Variants in CA10 observed in about 807,000 individuals in gnomAD.
CA10 encodes the protein carbonic anhydrase-related protein 10.
A neutral mutation model predicts 44.2 loss-of-function variants in CA10; 14 were observed. The ratio of observed to expected loss-of-function variants is 0.32; its 90% CI spans 0.21 to 0.50. CA10 has a LOEUF of 0.50. CA10 is among the 20% of genes least tolerant of loss of function. The pLI is 0.99. For synonymous variants in CA10, 159 were observed against 141.6 expected, an observed-to-expected ratio of 1.12 and a Z score of -0.87; for missense variants, 350 against 409.7, an observed-to-expected ratio of 0.85 and a Z score of 1.26.
At chr17:52,128,477 G>A (rs1277841578) in intron 1 of CA10, among the ~76,000 whole-genome samples, 1 of 152,064 alleles carries the variant, frequency 6.6e-6, no homozygotes, top group East Asian at 1.9e-4. Context: ...GCCTTCATGG[G>A]TCGTCCACTG....
At chr17:51,654,424 A>C (rs1030806475) in intron 4 of CA10, among the ~76,000 whole-genome samples, 1 of 152,216 alleles carries the variant, frequency 6.6e-6, no homozygotes, top group African/African-American at 2.4e-5. Flanking sequence ...ATTTTTAGCC[A>C]CATGATCAAG....
At chr17:51,867,302 T>C (rs564557920) in intron 3 of CA10, among the ~76,000 whole-genome samples, 16 of 152,292 alleles carry the variant, frequency 1.1e-4, no homozygotes, top group Admixed American at 5.9e-4. Context: ...AATGAGATTC[T>C]CAATATTAAG....
chr17:52,069,517 G>T (rs1049042521), intron 2 of CA10, among the ~76,000 whole-genome samples: 1 of 152,194 alleles, frequency 6.6e-6, no homozygotes, highest in Non-Finnish European at 1.5e-5. Flanking sequence ...TCCCAATACT[G>T]TGTTGCCTCC....
chr17:51,810,904 A>T (rs896623308), intron 3 of CA10, among the ~76,000 whole-genome samples: 3 of 152,228 alleles, frequency 2.0e-5, no homozygotes, highest in Admixed American at 1.3e-4. Context: ...AAAAAACAAG[A>T]TCACCCTATA....
chr17:52,090,731 A>G (rs1302577157), intron 1 of CA10, among the ~76,000 whole-genome samples: 3 of 152,154 alleles, frequency 2.0e-5, no homozygotes, highest in Non-Finnish European at 2.9e-5. Flanking sequence ...CATTCTAGGT[A>G]GACCAGCAGT....
At chr17:51,883,245 CTT>C (rs1356157335) in intron 3 of CA10, among the ~76,000 whole-genome samples, 1 of 152,088 alleles carries the variant, frequency 6.6e-6, no homozygotes, top group African/African-American at 2.4e-5. Flanking sequence ...AATAAATTTT[CTT>C]TCTCTCTTCT....
At chr17:51,651,213 G>A (rs12936494) in intron 5 of CA10, among the ~76,000 whole-genome samples, 64,504 of 151,866 alleles carry the variant, frequency 0.42, 14,423 homozygotes, top group Non-Finnish European at 0.48. Flanking sequence ...AGGAGGGGAG[G>A]ACAACTACAA....
At chr17:51,793,830 T>G (rs1358846990) in intron 3 of CA10, among the ~76,000 whole-genome samples, 3 of 152,232 alleles carry the variant, frequency 2.0e-5, no homozygotes, top group Non-Finnish European at 4.4e-5. Flanking sequence ...CAACTGTGCA[T>G]TCAGTGTGGG....
At chr17:51,993,035 T>G (rs1026886190) in intron 2 of CA10, among the ~76,000 whole-genome samples, 1 of 152,150 alleles carries the variant, frequency 6.6e-6, no homozygotes, top group Non-Finnish European at 1.5e-5. Flanking sequence ...ATTAAACATT[T>G]TATGCAGATA....
chr17:52,092,676 C>T (rs369126494), intron 1 of CA10, among the ~76,000 whole-genome samples: 1 of 152,140 alleles, frequency 6.6e-6, no homozygotes, highest in Admixed American at 6.5e-5. Context: ...CTCTCTTTTT[C>T]ACTTCCTGCA....
At chr17:52,128,969 A>G (rs1989175810) in intron 1 of CA10, among the ~76,000 whole-genome samples, 1 of 152,214 alleles carries the variant, frequency 6.6e-6, no homozygotes, top group African/African-American at 2.4e-5. Context: ...TATTTCAGTT[A>G]GACCCAGCAT....
At chr17:51,805,000 T>C (rs1177286872) in intron 3 of CA10, among the ~76,000 whole-genome samples, 1 of 152,230 alleles carries the variant, frequency 6.6e-6, no homozygotes, top group African/African-American at 2.4e-5. Flanking sequence ...TGGGCTCCTC[T>C]GTGGGGCACC....
At chr17:51,746,299 C>T (rs1416606516) in intron 4 of CA10, among the ~76,000 whole-genome samples, 2 of 152,196 alleles carry the variant, frequency 1.3e-5, no homozygotes, top group African/African-American at 4.8e-5. Flanking sequence ...TGAGTACTTT[C>T]AGTGTTTTTA....
At chr17:51,948,151 A>C (rs1406232392) in intron 2 of CA10, among the ~76,000 whole-genome samples, 1 of 152,160 alleles carries the variant, frequency 6.6e-6, no homozygotes, top group Non-Finnish European at 1.5e-5. Context: ...ACTCAGCAAC[A>C]AGACTGCCAC....
At chr17:51,715,715 G>T (rs1373299279) in intron 4 of CA10, among the ~76,000 whole-genome samples, 3 of 151,692 alleles carry the variant, frequency 2.0e-5, no homozygotes, top group African/African-American at 7.2e-5. Flanking sequence ...TTTTCAGACG[G>T]AGTCTCGCTC....
At chr17:51,861,459 C>T (rs184205660) in intron 3 of CA10, among the ~76,000 whole-genome samples, 11 of 151,268 alleles carry the variant, frequency 7.3e-5, no homozygotes, top group Non-Finnish European at 8.8e-5. Context: ...AAAGCTTTAC[C>T]TGTGAAAAAC....
At chr17:51,649,981 C>CCAGT in intron 5 of CA10, among the ~76,000 whole-genome samples, 1 of 97,542 alleles carries the variant, frequency 1.0e-5, no homozygotes, top group African/African-American at 3.4e-5. Flanking sequence ...ATCCAGCCAG[C>CCAGT]CAGTCAGCCA....
At chr17:51,847,913 C>A (rs1179416354) in intron 3 of CA10, among the ~76,000 whole-genome samples, 1 of 152,174 alleles carries the variant, frequency 6.6e-6, no homozygotes, top group Non-Finnish European at 1.5e-5. Flanking sequence ...ACAGCACTTT[C>A]CAGACGAGAC....
chr17:51,690,786 A>G (rs960683699), intron 4 of CA10, among the ~76,000 whole-genome samples: 2 of 152,168 alleles, frequency 1.3e-5, no homozygotes, highest in Non-Finnish European at 2.9e-5. Context: ...GTATTTCTTC[A>G]TAGCAGTATG....
Sources: allele counts gnomAD v4.1 joint callset (sites outside exome capture counted in the v4.1 genomes callset), GRCh38; gene constraint gnomAD v4.1.1; transcripts MANE v1.5; gene names NCBI Gene and HGNC (gene_info 2026-07-23, HGNC 2026-07-21).